The following MICU3 variants were observed in gnomAD, a reference collection of about 807,000 sequenced individuals.
MICU3 encodes the protein mitochondrial calcium uptake 3.
MICU3 carries 62 observed loss-of-function variants against 66.5 expected under a neutral mutation model. The ratio of observed to expected loss-of-function variants is 0.93; its 90% CI spans 0.76 to 1.15. The LOEUF (loss-of-function observed/expected upper bound fraction) is 1.15. Ranked by LOEUF, MICU3 falls within the 50% of genes most tolerant of loss-of-function variation. The pLI is 0.00. For missense variants in MICU3, 779 were observed against 664.4 expected (o/e 1.17, Z -1.90); for synonymous variants, 308 against 240.7 (o/e 1.28, Z -2.59).
At chr8:17,089,380 A>T (rs1274677587) in intron 7 of MICU3, among the ~76,000 whole-genome samples, 1 of 152,052 alleles carries the variant, frequency 6.6e-6, no homozygotes, top group Non-Finnish European at 1.5e-5. Context: ...GTTTTATTTT[A>T]TATTACTTTA....
intron 9 of MICU3, among the ~76,000 whole-genome samples, chr8:17,104,172 T>A (rs985274223): frequency 6.6e-6 from 1 of 151,954 alleles, no homozygotes; most frequent in Non-Finnish European, 1.5e-5. Flanking sequence ...AATTTTTGAG[T>A]ACAATGATCA....
At chr8:17,129,886 T>C in the MICU3 span, among the ~76,000 whole-genome samples, 1 of 152,090 alleles carries the variant, frequency 6.6e-6, no homozygotes, top group Non-Finnish European at 1.5e-5. Flanking sequence ...ACAAAAGATA[T>C]ATACAAGGGT....
Position 17,105,396 on chromosome 8 carries a change from T to C in MICU3, c.1086-17T>C, listed in dbSNP as rs1290947564. 1.4e-6 allele frequency: 2 copies of C among 1,443,086 alleles called. No homozygotes were observed. Among genetic ancestry groups the C allele is most frequent in the Non-Finnish European group, 9.4e-7 (1 of 1,058,428 alleles). The allele number at this position is 1,443,086 out of a possible 1,614,324, so 89.4% of individuals were successfully genotyped here. A position where few individuals can be genotyped will look rare whatever the true frequency, so the allele number is the denominator to read the frequency against. ...CTTTCTTTATCTTTTTCCTTCTTTA[T>C]TACATTTTTGTCATAGATTCATGGA... On this transcript the variant is annotated splice_polypyrimidine_tract_variant and intron_variant, in intron 10 of 14. Coordinates refer to ENST00000318063, the MANE Select transcript of MICU3 (RefSeq NM_181723.3).
At chr8:17,066,543 ATT>A (rs777756919) in intron 2 of MICU3, among the ~76,000 whole-genome samples, 1,770 of 104,764 alleles carry the variant, frequency 0.017, 10 homozygotes, top group Middle Eastern at 0.05. Flanking sequence ...ATATATATAG[ATT>A]TTTTTTTTTT....
chr8:17,084,545 G>A (rs1799253460), intron 5 of MICU3, among the ~76,000 whole-genome samples: 1 of 152,028 alleles, frequency 6.6e-6, no homozygotes, highest in Admixed American at 6.6e-5. Flanking sequence ...CACGTCCACT[G>A]AGCTGCTCTT....
the MICU3 span, among the ~76,000 whole-genome samples, chr8:17,136,851 T>G: frequency 6.6e-6 from 1 of 151,644 alleles, no homozygotes; most frequent in Non-Finnish European, 1.5e-5. Context: ...TTTTTTTTTT[T>G]TTGAGACGGA....
Position 17,120,963 on chromosome 8 carries a change from T to G in MICU3, c.*676T>G, listed in dbSNP as rs922129720. ...GCCAAAGTCAACAGAATGTCTGTTA[T>G]TGTTTTATGTATACGGTAAAGAAAT... On this transcript the variant is annotated 3_prime_UTR_variant, in exon 15 of 15. Transcript: ENST00000318063. 3 of 152,040 alleles carry G rather than the reference T, an allele frequency of 2.0e-5. No homozygotes were observed. The South Asian group carries it at 6.2e-4, about 31-fold the overall frequency. 9.4% of individuals were successfully genotyped at this position (152,040 alleles called of 1,614,324 possible).
intron 9 of MICU3, among the ~76,000 whole-genome samples, chr8:17,103,084 T>G (rs1006702814): frequency 6.6e-6 from 1 of 151,980 alleles, no homozygotes; most frequent in South Asian, 2.1e-4. Context: ...TTAGTCACTT[T>G]AGAAACAGAT....
chr8:17,137,248 T>C, the MICU3 span, among the ~76,000 whole-genome samples: 13 of 152,080 alleles, frequency 8.5e-5, no homozygotes, highest in Non-Finnish European at 1.6e-4. Flanking sequence ...GAGGTATGAA[T>C]TATGTAATTT....
intron 3 of MICU3, among the ~76,000 whole-genome samples, chr8:17,074,101 T>A (rs1294965471): frequency 4.0e-5 from 6 of 151,664 alleles, no homozygotes; most frequent in African/African-American, 1.2e-4. Context: ...GGTTTCACCG[T>A]GGTCTCCATC....
chr8:17,082,686 T>C (rs1035330221), intron 5 of MICU3, among the ~76,000 whole-genome samples: 3 of 152,124 alleles, frequency 2.0e-5, no homozygotes, highest in African/African-American at 7.2e-5. Flanking sequence ...AATTTCCAGT[T>C]GTGGAGATAT....
chr8:17,093,921 G>T (rs1800369129), intron 8 of MICU3, among the ~76,000 whole-genome samples: 1 of 151,804 alleles, frequency 6.6e-6, no homozygotes, highest in Non-Finnish European at 1.5e-5. Context: ...AATAAATAAT[G>T]ATAAAATTAT....
intron 1 of MICU3, among the ~76,000 whole-genome samples, chr8:17,060,833 C>T (rs1817724566): frequency 6.6e-6 from 1 of 150,866 alleles, no homozygotes; most frequent in Non-Finnish European, 1.5e-5. Flanking sequence ...GGCACAAACC[C>T]TTTCCAAACT....
intron 7 of MICU3, among the ~76,000 whole-genome samples, chr8:17,088,601 G>A (rs1219284400): frequency 2.6e-5 from 4 of 151,888 alleles, no homozygotes; most frequent in Non-Finnish European, 5.9e-5. Context: ...AAAGTAGATA[G>A]TATTTCAGTG....
At chr8:17,116,878 G>C (rs1802734241) in intron 13 of MICU3, among the ~76,000 whole-genome samples, 1 of 152,128 alleles carries the variant, frequency 6.6e-6, no homozygotes, top group East Asian at 1.9e-4. Context: ...GAAAAATGTT[G>C]CCAAATATTT....
intron 1 of MICU3, among the ~76,000 whole-genome samples, chr8:17,054,931 G>A (rs1361560954): frequency 6.6e-6 from 1 of 151,784 alleles, no homozygotes; most frequent in Non-Finnish European, 1.5e-5. Flanking sequence ...TAGAGATGGG[G>A]TTTCACTATG....
intron 1 of MICU3, among the ~76,000 whole-genome samples, chr8:17,035,259 G>A (rs1812768056): frequency 6.6e-6 from 1 of 152,182 alleles, no homozygotes; most frequent in Admixed American, 6.5e-5. Flanking sequence ...TGTGAGAACA[G>A]ACTAACAGAG....
intron 2 of MICU3, among the ~76,000 whole-genome samples, chr8:17,066,127 T>A (rs1248555204): frequency 6.6e-6 from 1 of 152,118 alleles, no homozygotes; most frequent in Admixed American, 6.5e-5. Context: ...ATCCTTTTTA[T>A]TTAATCCATT....
intron 9 of MICU3, among the ~76,000 whole-genome samples, chr8:17,100,563 G>A (rs1054276142): frequency 6.6e-6 from 1 of 151,554 alleles, no homozygotes; most frequent in Non-Finnish European, 1.5e-5. Flanking sequence ...ATTCAAATTG[G>A]TTCAGAAAGA....
Sources: allele counts gnomAD v4.1 joint callset (sites outside exome capture counted in the v4.1 genomes callset), GRCh38; gene constraint gnomAD v4.1.1; transcripts MANE v1.5; gene names NCBI Gene and HGNC (gene_info 2026-07-23, HGNC 2026-07-21).